Variants in MAST4 observed in about 807,000 individuals in gnomAD.
The protein encoded by MAST4 is microtubule associated serine/threonine kinase family member 4, also known as microtubule-associated serine/threonine-protein kinase 4.
Under a neutral mutation model 162.7 loss-of-function variants are expected in MAST4, and 89 were observed. The ratio of observed to expected loss-of-function variants is 0.55; its 90% CI spans 0.46 to 0.65. The LOEUF (loss-of-function observed/expected upper bound fraction) is 0.65, where lower values mean the gene tolerates loss of function less well. Ranked by LOEUF, MAST4 falls within the 30% of genes least tolerant of loss-of-function variation. The pLI is 0.00. For synonymous variants in MAST4, 1,479 were observed against 1,361.1 expected, an observed-to-expected ratio of 1.09 and a Z score of -1.91; for missense variants, 3,153 against 3,374.0, an observed-to-expected ratio of 0.93 and a Z score of 1.62.
intron 1 of MAST4, among the ~76,000 whole-genome samples, chr5:66,626,851 C>G (rs1449582248): frequency 3.9e-5 from 6 of 152,058 alleles, no homozygotes; most frequent in Admixed American, 3.9e-4. Flanking sequence ...GAAGGGACAC[C>G]TAAGCGAGGG....
At chr5:66,672,988 A>C (rs1747704188) in intron 1 of MAST4, among the ~76,000 whole-genome samples, 1 of 152,074 alleles carries the variant, frequency 6.6e-6, no homozygotes, top group Non-Finnish European at 1.5e-5. Flanking sequence ...TGCTGATCTG[A>C]TTGGTATAGA....
At chr5:66,933,253 T>G (rs1335401747) in intron 4 of MAST4, among the ~76,000 whole-genome samples, 5 of 152,220 alleles carry the variant, frequency 3.3e-5, no homozygotes, top group African/African-American at 4.8e-5. Flanking sequence ...AGTAAATATT[T>G]CAGTGGTGAC....
intron 1 of MAST4, among the ~76,000 whole-genome samples, chr5:66,679,241 G>A (rs1016966154): frequency 5.9e-5 from 9 of 152,230 alleles, no homozygotes; most frequent in African/African-American, 2.2e-4. Context: ...GGAGAGGTAA[G>A]GGCAGGGATT....
intron 4 of MAST4, chr5:66,963,750 A>C: frequency 1.3e-6 from 1 of 779,838 alleles, no homozygotes; most frequent in Non-Finnish European, 2.4e-6. Context: ...CAGCCCAGGC[A>C]GTCCTTGTAG....
intron 7 of MAST4, among the ~76,000 whole-genome samples, chr5:67,096,528 G>A (rs1764486360): frequency 6.6e-6 from 1 of 152,062 alleles, no homozygotes; most frequent in Non-Finnish European, 1.5e-5. Flanking sequence ...TCCATCTATT[G>A]TATTTTTGAT....
At chr5:66,713,184 G>C (rs372954688) in intron 1 of MAST4, among the ~76,000 whole-genome samples, 1 of 152,008 alleles carries the variant, frequency 6.6e-6, no homozygotes, top group Non-Finnish European at 1.5e-5. Flanking sequence ...TGTTTGTATG[G>C]GTAATGGTTC....
intron 4 of MAST4, among the ~76,000 whole-genome samples, chr5:66,908,035 G>C (rs748930627): frequency 2.0e-5 from 3 of 152,040 alleles, no homozygotes; most frequent in Non-Finnish European, 2.9e-5. Flanking sequence ...AAAACAAAAC[G>C]AAGAAAAAAA....
At chr5:66,696,272 T>C (rs945856625) in intron 1 of MAST4, among the ~76,000 whole-genome samples, 6 of 152,038 alleles carry the variant, frequency 3.9e-5, no homozygotes, top group Non-Finnish European at 8.8e-5. Flanking sequence ...ACTTAGGTGA[T>C]GGATTGATAG....
intron 1 of MAST4, among the ~76,000 whole-genome samples, chr5:66,715,086 C>G (rs1183194480): frequency 6.6e-6 from 1 of 152,174 alleles, no homozygotes; most frequent in Non-Finnish European, 1.5e-5. Context: ...TGTTCAGCTT[C>G]CCTATATACT....
At chr5:66,801,776 A>C (rs1381734825) in intron 3 of MAST4, among the ~76,000 whole-genome samples, 1 of 152,210 alleles carries the variant, frequency 6.6e-6, no homozygotes, top group Admixed American at 6.5e-5. Flanking sequence ...TGTGAGAACT[A>C]TTTCAAAGCT....
intron 3 of MAST4, among the ~76,000 whole-genome samples, chr5:66,871,865 A>C (rs924603004): frequency 2.0e-5 from 3 of 152,184 alleles, no homozygotes; most frequent in Non-Finnish European, 4.4e-5. Flanking sequence ...AAAGTTGTAG[A>C]CATCCCTAGA....
rs562064265 is a variant in MAST4 at position 67,099,353 on chromosome 5, A to T, written c.913-1082A>T. 6.6e-5 allele frequency among the ~76,000 whole-genome samples: 10 copies of T among 152,148 alleles called. 3 individuals carry two copies. Among genetic ancestry groups the T allele is most frequent in the African/African-American group, 2.2e-4 (9 of 41,530 alleles). On this transcript the variant is annotated intron_variant, in intron 7 of 28. Transcript: ENST00000403625. ...AAAATAATCTCATTACATTATAAAA[A>T]TTCCTCTTTGTCTCAATATGTACTT...
Position 67,144,705 on chromosome 5 carries a change from G to A in MAST4, c.2767G>A (p.Ala923Thr). Residue 923 changes from alanine to threonine, a missense_variant, in exon 22 of 29, where the codon GCA (alanine) becomes ACA (threonine). Transcript: ENST00000403625. ...SSIDRITQNS[A>T]EEKEDSVDKT... is the part of the protein sequence containing the mutation. ...TATAGATCGAATCACTCAGAATTCA[G>A]CAGAAGAGAAGGAAGACTCTGTGGA... 6.2e-7 allele frequency: 1 copy of A among 1,613,902 alleles called. No individual in the cohort carries two copies. The highest frequency in any genetic ancestry group is 8.5e-7 in the Non-Finnish European group (1 of 1,179,818).
Position 66,788,808 on chromosome 5 carries a change from G to C in MAST4, c.642+14G>C. ...ACCGCCAGCCTGGTGAGTGTCCGCG[G>C]GCGCCGGTGGAGGCTGCTCCAGCTC... On this transcript the variant is annotated intron_variant, in intron 3 of 28. Transcript: ENST00000403625. 6.5e-7 allele frequency: 1 copy of C among 1,545,064 alleles called. No individual in the cohort carries two copies. The highest frequency in any genetic ancestry group is 1.2e-5 in the South Asian group (1 of 80,760).
chr5:66,732,848 C>T (rs765911243), intron 1 of MAST4, among the ~76,000 whole-genome samples: 7 of 152,190 alleles, frequency 4.6e-5, no homozygotes, highest in Non-Finnish European at 1.0e-4. Flanking sequence ...TGCTCAGCTG[C>T]ACCTTTCCTT....
chr5:66,733,949 A>AC lies in MAST4; in HGVS notation c.364-25758dup, dbSNP rs375718554. ...AGTTACTGACATACAGTAATACAAAACCATTAATTTCTTCAATATTTAACT... is the reference window on the plus strand; with the variant it reads ...AGTTACTGACATACAGTAATACAAAACCCATTAATTTCTTCAATATTTAACT... On this transcript the variant is annotated intron_variant, in intron 1 of 28. Transcript: ENST00000403625. Among the ~76,000 whole-genome samples, 122 of 152,252 alleles carry AC rather than the reference A, an allele frequency of 8.0e-4. 1 individual carries two copies. Among genetic ancestry groups the AC allele is most frequent in the African/African-American group, 2.8e-3 (117 of 41,546 alleles).
At chr5:66,953,751 C>G (rs1205313736) in intron 4 of MAST4, among the ~76,000 whole-genome samples, 2 of 152,228 alleles carry the variant, frequency 1.3e-5, no homozygotes, top group Admixed American at 1.3e-4. Flanking sequence ...GAAATTGACC[C>G]TTGTCTCTAG....
intron 1 of MAST4, among the ~76,000 whole-genome samples, chr5:66,703,280 C>T (rs1749899276): frequency 2.0e-5 from 3 of 152,158 alleles, no homozygotes; most frequent in Admixed American, 2.0e-4. Flanking sequence ...AAGTTTTAAG[C>T]TTACTTTGTG....
At chr5:66,683,480 C>T (rs780339289) in intron 1 of MAST4, among the ~76,000 whole-genome samples, 4 of 152,166 alleles carry the variant, frequency 2.6e-5, no homozygotes, top group South Asian at 2.1e-4. Context: ...TGTTTTTACA[C>T]GTCCTGTCCT....
Sources: allele counts gnomAD v4.1 joint callset (sites outside exome capture counted in the v4.1 genomes callset), GRCh38; gene constraint gnomAD v4.1.1; transcripts MANE v1.5; gene names NCBI Gene and HGNC (gene_info 2026-07-23, HGNC 2026-07-21).